The following CCSER1 variants were observed in gnomAD, a reference collection of about 807,000 sequenced individuals.
CCSER1 encodes serine-rich coiled-coil domain-containing protein 1.
Under a neutral mutation model 82.0 loss-of-function variants are expected in CCSER1, and 41 were observed. The observed-to-expected ratio is 0.50, with a 90% confidence interval of 0.39 to 0.65. The LOEUF is 0.65. CCSER1 is among the 30% of genes least tolerant of loss of function. The probability of loss-of-function intolerance (pLI) is 0.00; values close to 1 mark genes in which losing one functional copy is unlikely to be tolerated. For synonymous variants in CCSER1, 414 were observed against 383.9 expected (o/e 1.08, Z -0.92); for missense variants, 1,119 against 1,064.2 (o/e 1.05, Z -0.72).
At chr4:91,159,296 C>G (rs947789350) in intron 10 of CCSER1, among the ~76,000 whole-genome samples, 1 of 151,916 alleles carries the variant, frequency 6.6e-6, no homozygotes, top group African/African-American at 2.4e-5. Flanking sequence ...AAATCAATGC[C>G]ATGCTGAAAA....
chr4:90,426,037 A>G (rs917763654), intron 4 of CCSER1, among the ~76,000 whole-genome samples: 2 of 152,150 alleles, frequency 1.3e-5, no homozygotes, highest in African/African-American at 4.8e-5. Context: ...GTGGGTATTG[A>G]TAAAGTGGCA....
At chr4:90,458,005 C>G (rs530938404) in intron 4 of CCSER1, among the ~76,000 whole-genome samples, 1 of 152,174 alleles carries the variant, frequency 6.6e-6, no homozygotes, top group South Asian at 2.1e-4. Flanking sequence ...CATGTGCATA[C>G]CCAGCAGGGT....
At chr4:91,057,695 A>T (rs561691770) in intron 9 of CCSER1, among the ~76,000 whole-genome samples, 2 of 152,246 alleles carry the variant, frequency 1.3e-5, no homozygotes, top group African/African-American at 4.8e-5. Flanking sequence ...TCATAGAGCT[A>T]TTCCAAATTT....
At chr4:90,713,094 C>A (rs555093071) in intron 6 of CCSER1, among the ~76,000 whole-genome samples, 1 of 151,762 alleles carries the variant, frequency 6.6e-6, no homozygotes, top group South Asian at 2.1e-4. Flanking sequence ...TTTTCTTTAT[C>A]TAGCTTGCCA....
intron 10 of CCSER1, among the ~76,000 whole-genome samples, chr4:91,544,309 C>G (rs577688763): frequency 6.6e-6 from 1 of 152,320 alleles, no homozygotes; most frequent in Admixed American, 6.5e-5. Context: ...CTTCTCTCAA[C>G]TCGTCAAAGT....
At chr4:90,439,771 T>C (rs1282587181) in intron 4 of CCSER1, among the ~76,000 whole-genome samples, 1 of 152,190 alleles carries the variant, frequency 6.6e-6, no homozygotes, top group Non-Finnish European at 1.5e-5. Flanking sequence ...GAGTGCAGTT[T>C]GTGTTCACAG....
At chr4:91,110,396 A>C (rs2148870541) in intron 10 of CCSER1, among the ~76,000 whole-genome samples, 1 of 152,148 alleles carries the variant, frequency 6.6e-6, no homozygotes, top group East Asian at 1.9e-4. Flanking sequence ...GGTACCAATA[A>C]AAATACTCAC....
intron 8 of CCSER1, among the ~76,000 whole-genome samples, chr4:90,917,327 A>G (rs111441397): frequency 0.049 from 7,506 of 152,298 alleles, 530 homozygotes; most frequent in African/African-American, 0.15. Flanking sequence ...ATGGAATACT[A>G]TGCAGCCATA....
intron 10 of CCSER1, among the ~76,000 whole-genome samples, chr4:91,176,906 A>G (rs536505980): frequency 2.0e-5 from 3 of 152,306 alleles, no homozygotes; most frequent in Admixed American, 2.0e-4. Context: ...CCAGTTTTCA[A>G]AGGGAATCTT....
intron 3 of CCSER1, among the ~76,000 whole-genome samples, chr4:90,377,751 AATAG>A (rs1453957939): frequency 5.3e-5 from 8 of 152,164 alleles, no homozygotes; most frequent in Non-Finnish European, 1.2e-4. Flanking sequence ...AATATTTCAT[AATAG>A]ATCTGATTAT....
intron 10 of CCSER1, among the ~76,000 whole-genome samples, chr4:91,250,770 G>A (rs1740191900): frequency 6.6e-6 from 1 of 151,656 alleles, no homozygotes. Flanking sequence ...ATGTTGGTGA[G>A]TGGTATTGGA....
At chr4:90,401,361 T>C (rs1043189252) in intron 4 of CCSER1, among the ~76,000 whole-genome samples, 1 of 152,142 alleles carries the variant, frequency 6.6e-6, no homozygotes, top group African/African-American at 2.4e-5. Flanking sequence ...AAATAGTACA[T>C]GCATATAATT....
At chr4:90,732,933 G>A (rs1032026474) in intron 7 of CCSER1, among the ~76,000 whole-genome samples, 2 of 152,068 alleles carry the variant, frequency 1.3e-5, no homozygotes. Context: ...TTCATCTGTT[G>A]ATAGTCACTT....
chr4:90,449,970 G>A (rs895741247), intron 4 of CCSER1, among the ~76,000 whole-genome samples: 6 of 152,170 alleles, frequency 3.9e-5, no homozygotes, highest in South Asian at 2.1e-4. Flanking sequence ...TTCCCTCATC[G>A]CAGCTGGCAT....
In CCSER1 at chr4:90,155,431, T is replaced by C. The variant is rs554689610; in HGVS notation, c.-42+27600T>C. 4.7e-3 allele frequency among the ~76,000 whole-genome samples: 718 copies of C among 152,290 alleles called. 4 individuals are homozygous for C. The highest frequency in any genetic ancestry group is 0.017 in the African/African-American group (691 of 41,556). On this transcript the variant is annotated intron_variant, in intron 1 of 10. Coordinates refer to ENST00000509176, the MANE Select transcript of CCSER1 (RefSeq NM_001145065.2). ...GGAGGATTCCCTCTTTTTCTGTTGA[T>C]TGGAATAGTTTCAGAAGGAATGGTA... is the stretch of plus-strand genomic sequence containing the variant.
rs940829893 is a variant in CCSER1 at position 91,200,470 on chromosome 4, G to T, written c.2217+114476G>T. On this transcript the variant is annotated intron_variant, in intron 10 of 10. Transcript: ENST00000509176. ...TTTTGGAAAAACCAATAGCTGACTT[G>T]TAGTGGGGGGCCACATCTTAGAAGT... 2.0e-5 allele frequency among the ~76,000 whole-genome samples: 3 copies of T among 152,134 alleles called. No individual in the cohort carries two copies. In the South Asian group the frequency reaches 6.2e-4, roughly 32 times the overall value.
intron 6 of CCSER1, among the ~76,000 whole-genome samples, chr4:90,651,730 A>T (rs1013770847): frequency 1.3e-5 from 2 of 152,150 alleles, no homozygotes; most frequent in Admixed American, 1.3e-4. Flanking sequence ...TGGAAGACAG[A>T]GATAGCGTTC....
At chr4:91,598,492 T>G in intron 10 of CCSER1, 80 bp from the exon 11 acceptor site, 1 of 1,374,824 alleles carries the variant, frequency 7.3e-7, no homozygotes, top group African/African-American at 1.5e-5. Context: ...GACACAAATG[T>G]ATAAATATCA....
intron 6 of CCSER1, among the ~76,000 whole-genome samples, chr4:90,705,530 G>A (rs761486790): frequency 1.3e-5 from 2 of 152,204 alleles, no homozygotes; most frequent in Non-Finnish European, 2.9e-5. Flanking sequence ...GTCTGCAGAG[G>A]TTTCTGCTGC....
Sources: allele counts gnomAD v4.1 joint callset (sites outside exome capture counted in the v4.1 genomes callset), GRCh38; gene constraint gnomAD v4.1.1; transcripts MANE v1.5; gene names NCBI Gene and HGNC (gene_info 2026-07-23, HGNC 2026-07-21).